Variants in MRTFB observed in about 807,000 individuals in gnomAD.
The protein encoded by MRTFB is myocardin-related transcription factor B.
Under a neutral mutation model 104.2 loss-of-function variants are expected in MRTFB, and 29 were observed. The ratio of observed to expected loss-of-function variants is 0.28; its 90% confidence interval spans 0.21 to 0.38. The LOEUF is 0.38. Ranked by LOEUF, MRTFB falls within the 10% of genes least tolerant of loss-of-function variation. The pLI, the probability that MRTFB is intolerant of heterozygous loss-of-function variation, is 1.00. For missense variants in MRTFB, 1,270 were observed against 1,341.6 expected (o/e 0.95, Z 0.83); for synonymous variants, 535 against 519.5 (o/e 1.03, Z -0.41).
chr16:14,153,627 TA>T (rs1024275662), intron 3 of MRTFB, among the ~76,000 whole-genome samples: 2 of 152,158 alleles, frequency 1.3e-5, no homozygotes, highest in African/African-American at 2.4e-5. Context: ...AAGTTAGGAC[TA>T]AAAAAATTTT....
rs541800741 is a variant in MRTFB, at chr16:14,233,567, C to T, written c.694-579C>T. ...CTTTGGGAGGCCGGGGCAGGTGGAT[C>T]ACTTGAGGTCAGGAGTTCAAGACCC... On this transcript the variant is annotated intron_variant, in intron 8 of 16. Transcript: ENST00000571589. Among the ~76,000 whole-genome samples, 3 of 152,132 alleles carry T rather than the reference C, an allele frequency of 2.0e-5. No individual in the cohort carries two copies. The South Asian group carries it at 6.2e-4, about 32-fold the overall frequency.
intron 2 of MRTFB, among the ~76,000 whole-genome samples, chr16:14,115,323 C>T (rs955930370): frequency 6.6e-6 from 1 of 152,204 alleles, no homozygotes; most frequent in African/African-American, 2.4e-5. Flanking sequence ...AATCCTACTA[C>T]TTCAAGTCTG....
At chr16:14,007,972 C>G in the MRTFB span, among the ~76,000 whole-genome samples, 3 of 152,156 alleles carry the variant, frequency 2.0e-5, no homozygotes, top group African/African-American at 7.2e-5. Flanking sequence ...ATTCTAGGCA[C>G]AAGTCTCTTA....
intron 14 of MRTFB, 60 bp from the exon 15 acceptor site, chr16:14,252,305 C>G: frequency 6.4e-7 from 1 of 1,574,624 alleles, no homozygotes. Context: ...CCGAGTCTAG[C>G]CAGGAAAAGA....
At chr16:14,109,774 C>T (rs1418761457) in intron 2 of MRTFB, among the ~76,000 whole-genome samples, 2 of 152,172 alleles carry the variant, frequency 1.3e-5, no homozygotes, top group Non-Finnish European at 2.9e-5. Flanking sequence ...CTGTTTTATT[C>T]ATGAATGTTG....
intron 1 of MRTFB, among the ~76,000 whole-genome samples, chr16:14,075,488 G>T (rs550825177): frequency 3.6e-4 from 55 of 152,348 alleles, no homozygotes; most frequent in African/African-American, 1.3e-3. Flanking sequence ...CAGATCTGTG[G>T]CTGTCAAACT....
At position 14,262,772 on chromosome 16, in the gene MRTFB, GT is replaced by G. The variant is rs2043819589; in HGVS notation, c.*1329del. 1 of 152,198 alleles carries G rather than the reference GT, an allele frequency of 6.6e-6. No individual in the cohort carries two copies. Among genetic ancestry groups the G allele is most frequent in the Non-Finnish European group, 1.5e-5 (1 of 68,030 alleles). The allele number at this position is 152,198 out of a possible 1,614,324, so 9.4% of individuals were successfully genotyped here. A position where few individuals can be genotyped will look rare whatever the true frequency, so the allele number is the denominator to read the frequency against. ...GGATTATTTCAAGCTAGTCATTGAG[GT>G]ATATGACAAAATGTAAATAACAAAA... On this transcript the variant is annotated 3_prime_UTR_variant, in exon 17 of 17. Transcript: ENST00000571589.
chr16:14,181,315 A>G (rs1160571477), intron 3 of MRTFB, among the ~76,000 whole-genome samples: 1 of 152,168 alleles, frequency 6.6e-6, no homozygotes, highest in Non-Finnish European at 1.5e-5. Context: ...ATATGGATCA[A>G]ATATGTATTT....
At chr16:14,152,893 A>C (rs2038683319) in intron 3 of MRTFB, 1 of 152,218 alleles carries the variant, frequency 6.6e-6, no homozygotes, top group South Asian at 2.1e-4. Flanking sequence ...TACAATCAAA[A>C]ATTTCTTAAG....
intron 3 of MRTFB, chr16:14,187,006 A>G: frequency 6.3e-7 from 1 of 1,596,980 alleles, no homozygotes; most frequent in Non-Finnish European, 8.5e-7. Flanking sequence ...GAATGCCTTG[A>G]GGGGAGCAAC....
the MRTFB span, among the ~76,000 whole-genome samples, chr16:14,061,748 G>A: frequency 7.2e-5 from 11 of 152,002 alleles, no homozygotes; most frequent in Non-Finnish European, 1.5e-5. Flanking sequence ...AGGAGGGGGA[G>A]GGCCAAGGAA....
chr16:14,161,283 A>G (rs534234756), intron 3 of MRTFB, among the ~76,000 whole-genome samples: 2 of 152,178 alleles, frequency 1.3e-5, no homozygotes, highest in African/African-American at 4.8e-5. Flanking sequence ...CTTTAGACAG[A>G]TAGTCTGACC....
intron 3 of MRTFB, among the ~76,000 whole-genome samples, chr16:14,164,165 G>A (rs563754873): frequency 2.6e-5 from 4 of 152,086 alleles, no homozygotes; most frequent in Non-Finnish European, 5.9e-5. Context: ...CTGTCTACCT[G>A]TATGTTTACA....
chr16:14,136,002 G>C (rs1324375866), intron 2 of MRTFB, among the ~76,000 whole-genome samples: 9 of 152,310 alleles, frequency 5.9e-5, no homozygotes, highest in Middle Eastern at 6.8e-3. Flanking sequence ...CAGGCGCGGT[G>C]GCTCATGCCT....
intron 3 of MRTFB, among the ~76,000 whole-genome samples, chr16:14,184,072 T>TTAAA (rs375735001): frequency 8.2e-6 from 1 of 121,794 alleles, no homozygotes; most frequent in East Asian, 2.5e-4. Context: ...TCCTGAAATT[T>TTAAA]AAAAAAAAAA....
chr16:14,220,100 G>T (rs2041618515), intron 8 of MRTFB, among the ~76,000 whole-genome samples: 1 of 152,170 alleles, frequency 6.6e-6, no homozygotes, highest in South Asian at 2.1e-4. Context: ...AAGTTCACAG[G>T]GCAGGGGTGA....
At chr16:14,128,915 C>T (rs1450370276) in intron 2 of MRTFB, among the ~76,000 whole-genome samples, 1 of 152,184 alleles carries the variant, frequency 6.6e-6, no homozygotes, top group African/African-American at 2.4e-5. Context: ...AGAACAGTTC[C>T]ATCACCCAAA....
intron 3 of MRTFB, among the ~76,000 whole-genome samples, chr16:14,158,237 G>C (rs189612750): frequency 1.4e-4 from 21 of 152,342 alleles, no homozygotes; most frequent in Admixed American, 1.4e-3. Flanking sequence ...AAGGCACTGT[G>C]TTAGATTTTT....
At chr16:14,045,855 T>G in the MRTFB span, among the ~76,000 whole-genome samples, 3 of 151,602 alleles carry the variant, frequency 2.0e-5, no homozygotes, top group Admixed American at 6.6e-5. Context: ...AAAAGTGAGG[T>G]TTTTTTTGTG....
Sources: gnomAD v4.1 joint callset for allele counts (sites outside exome capture counted in the v4.1 genomes callset) on GRCh38, gnomAD v4.1.1 for gene constraint, MANE v1.5 for transcripts, NCBI Gene and HGNC (gene_info 2026-07-23, HGNC 2026-07-21) for gene names.